XPNPEP1: variants seen among roughly 807,000 people sequenced by gnomAD.
XPNPEP1 encodes xaa-Pro aminopeptidase 1.
In XPNPEP1, 39 loss-of-function variants were observed where a neutral mutation model predicts 92.4. That is an observed-to-expected ratio of 0.42 (90% CI 0.33 to 0.55). The LOEUF (loss-of-function observed/expected upper bound fraction) is 0.55, where lower values mean the gene tolerates loss of function less well. Among genes scored for constraint, XPNPEP1 ranks in the 20% least tolerant of loss-of-function variants. The pLI is 0.08. For synonymous variants in XPNPEP1, 307 were observed against 299.4 expected (o/e 1.03, Z -0.26); for missense variants, 654 against 856.1 (o/e 0.76, Z 2.95).
At chr10:109,880,349 T>G in intron 11 of XPNPEP1, 111 bp from the exon 12 acceptor site, 1 of 1,088,864 alleles carries the variant, frequency 9.2e-7, no homozygotes, top group Non-Finnish European at 1.4e-6. Flanking sequence ...GGGCCACACA[T>G]CATCAGCAAC....
chr10:109,879,671 A>G (rs1267987933), intron 12 of XPNPEP1, among the ~76,000 whole-genome samples: 2 of 152,186 alleles, frequency 1.3e-5, no homozygotes, highest in Non-Finnish European at 2.9e-5. Context: ...AATAAAGACA[A>G]TATTTTCTTT....
intron 20 of XPNPEP1, among the ~76,000 whole-genome samples, chr10:109,866,392 G>C (rs1847145309): frequency 6.6e-6 from 1 of 152,224 alleles, no homozygotes; most frequent in East Asian, 1.9e-4. Context: ...AGTCAGGGAA[G>C]TGATGGGGGC....
chr10:109,865,455 G>A (rs981142965), intron 20 of XPNPEP1, 143 bp from the exon 21 acceptor site: 6 of 1,118,258 alleles, frequency 5.4e-6, no homozygotes, highest in African/African-American at 4.7e-5. Flanking sequence ...TTACTCACAG[G>A]TAAGTATTTT....
intron 15 of XPNPEP1, 61 bp from the exon 16 acceptor site, chr10:109,873,488 C>A (rs548424315): frequency 1.2e-6 from 2 of 1,604,972 alleles, no homozygotes; most frequent in African/African-American, 2.7e-5. Flanking sequence ...AAATATGACA[C>A]AGGCAAGCAT....
rs1218710960 is a variant in XPNPEP1 at position 109,865,083 on chromosome 10, G to A, written c.*101C>T. The A allele has an allele frequency of 6.6e-7, 1 of 1,523,322 alleles. No individual in the cohort carries two copies. The highest frequency in any genetic ancestry group is 1.4e-5 in the African/African-American group (1 of 72,692). 94.4% of individuals were successfully genotyped at this position (1,523,322 alleles called of 1,614,324 possible). A position where few individuals can be genotyped will look rare whatever the true frequency, so the allele number is the denominator to read the frequency against. ...CTTAAAGTCTAAAGTAAAAAGGGGA[G>A]GTAGGGAAGAAGGAAAGGAAAGGGG... On this transcript the variant is annotated 3_prime_UTR_variant, in exon 21 of 21. Transcript: ENST00000502935.
chr10:109,879,200 C>A (rs940445127), intron 12 of XPNPEP1, among the ~76,000 whole-genome samples: 1 of 151,700 alleles, frequency 6.6e-6, no homozygotes, highest in Non-Finnish European at 1.5e-5. Flanking sequence ...CGAGATCGCT[C>A]CACTGCACTC....
At chr10:109,870,417 T>A (rs914808809) in intron 18 of XPNPEP1, among the ~76,000 whole-genome samples, 1 of 152,080 alleles carries the variant, frequency 6.6e-6, no homozygotes, top group African/African-American at 2.4e-5. Flanking sequence ...TAAGACAAGA[T>A]GCCCAGTAAG....
intron 9 of XPNPEP1, chr10:109,883,846 C>G (rs1258490862): frequency 2.1e-6 from 1 of 481,140 alleles, no homozygotes; most frequent in Non-Finnish European, 3.7e-6. Flanking sequence ...ACTATAGACA[C>G]TTTCATGCGT....
At chr10:109,871,385 T>C (rs1847462575) in intron 17 of XPNPEP1, among the ~76,000 whole-genome samples, 1 of 152,150 alleles carries the variant, frequency 6.6e-6, no homozygotes, top group South Asian at 2.1e-4. Context: ...AAGTAGTACA[T>C]AGCTGAAGTC....
chr10:109,913,331 G>A (rs1276978672), intron 2 of XPNPEP1, among the ~76,000 whole-genome samples: 3 of 152,154 alleles, frequency 2.0e-5, no homozygotes, highest in African/African-American at 7.2e-5. Flanking sequence ...TACACTGCAG[G>A]AGCTCAAGAA....
chr10:109,889,673 T>C (rs1410152501), intron 5 of XPNPEP1, among the ~76,000 whole-genome samples: 1 of 152,250 alleles, frequency 6.6e-6, no homozygotes, highest in Non-Finnish European at 1.5e-5. Flanking sequence ...TGTATACTTT[T>C]TTTAACCAAT....
rs895542567 is a variant in XPNPEP1, at chr10:109,923,134, A to G, written c.32+268T>C. 11 of 980,340 alleles carry G rather than the reference A, an allele frequency of 1.1e-5. No individual in the cohort carries two copies. In the African/African-American group the frequency reaches 1.8e-4, roughly 16 times the overall value. 60.7% of individuals were successfully genotyped at this position (980,340 alleles called of 1,614,324 possible). On this transcript the variant is annotated intron_variant, in intron 1 of 20. Transcript: ENST00000502935. ...GCCGCCGCCCCCTCAGGCCGAGTGC[A>G]GCAGTTCCGCGGGCATACGCGTCCA... is the stretch of plus-strand genomic sequence containing the variant.
At chr10:109,876,681 C>T (rs1276562168) in intron 14 of XPNPEP1, 3 of 152,258 alleles carry the variant, frequency 2.0e-5, no homozygotes, top group African/African-American at 7.2e-5. Context: ...AGACTAAAAG[C>T]TCTAAAAACA....
At chr10:109,914,781 G>A (rs1850087857) in intron 2 of XPNPEP1, among the ~76,000 whole-genome samples, 2 of 147,962 alleles carry the variant, frequency 1.4e-5, no homozygotes, top group East Asian at 3.9e-4. Context: ...GGGTGACCAA[G>A]GGCGAGACTC....
intron 8 of XPNPEP1, 80 bp from the exon 9 acceptor site, chr10:109,884,228 C>T: frequency 7.4e-7 from 1 of 1,355,318 alleles, no homozygotes; most frequent in Non-Finnish European, 1.0e-6. Context: ...GGAAGAGCTT[C>T]AGCTTGGAGT....
At chr10:109,890,593 T>TGA (rs34618002) in intron 5 of XPNPEP1, among the ~76,000 whole-genome samples, 7 of 104,064 alleles carry the variant, frequency 6.7e-5, no homozygotes, top group Admixed American at 2.1e-4. Flanking sequence ...TGTGTGTGTG[T>TGA]GAGAGAGAGA....
At chr10:109,906,920 C>A (rs994170028) in intron 3 of XPNPEP1, among the ~76,000 whole-genome samples, 4 of 152,192 alleles carry the variant, frequency 2.6e-5, no homozygotes, top group African/African-American at 9.7e-5. Context: ...CAAACTTCCA[C>A]AGCCTTCTGT....
At chr10:109,916,197 C>A (rs1235059634) in intron 1 of XPNPEP1, among the ~76,000 whole-genome samples, 1 of 152,172 alleles carries the variant, frequency 6.6e-6, no homozygotes. Context: ...CAGGGACAGC[C>A]TCTATTATAA....
rs145639258 is a variant in XPNPEP1 at position 109,893,255 on chromosome 10, G to A, written c.247-180C>T. On this transcript the variant is annotated intron_variant, in intron 3 of 20. Coordinates refer to ENST00000502935, the MANE Select transcript of XPNPEP1 (RefSeq NM_020383.4). ...AGATTAGCACACACTGCAGAAGATT[G>A]AATTAATTAAGGGCAGAGAGAGCTG... is the stretch of plus-strand genomic sequence containing the variant. The A allele has an allele frequency of 3.7e-4, 201 of 536,908 alleles. 1 individual carries two copies. The highest frequency in any genetic ancestry group is 3.3e-3 in the African/African-American group (176 of 52,742). The allele number at this position is 536,908 out of a possible 1,614,324, so 33.3% of individuals were successfully genotyped here.
Sources: allele counts gnomAD v4.1 joint callset (sites outside exome capture counted in the v4.1 genomes callset), GRCh38; gene constraint gnomAD v4.1.1; transcripts MANE v1.5; gene names NCBI Gene and HGNC (gene_info 2026-07-23, HGNC 2026-07-21).